BANK1: variants seen among roughly 807,000 people sequenced by gnomAD.
BANK1 encodes the protein B-cell scaffold protein with ankyrin repeats.
BANK1 carries 95 observed loss-of-function variants against 94.5 expected under a neutral mutation model. The observed-to-expected ratio is 1.00, with a 90% CI of 0.85 to 1.19. The LOEUF (loss-of-function observed/expected upper bound fraction) is 1.19, where lower values mean the gene tolerates loss of function less well. Among genes scored for constraint, BANK1 ranks in the 50% most tolerant of loss-of-function variants. The pLI, the probability that BANK1 is intolerant of heterozygous loss-of-function variation, is 0.00. For synonymous variants in BANK1, 334 were observed against 308.4 expected (o/e 1.08, Z -0.87); for missense variants, 987 against 932.2 (o/e 1.06, Z -0.77).
chr4:101,839,104 C>A (rs1726936483), intron 2 of BANK1, among the ~76,000 whole-genome samples: 1 of 152,132 alleles, frequency 6.6e-6, no homozygotes, highest in Non-Finnish European at 1.5e-5. Flanking sequence ...TTTATGATAT[C>A]ACCAAATGAG....
chr4:101,863,028 C>G (rs1282744042), intron 4 of BANK1, among the ~76,000 whole-genome samples: 1 of 151,856 alleles, frequency 6.6e-6, no homozygotes, highest in African/African-American at 2.4e-5. Context: ...TTAATAAACT[C>G]TATTTTTTTC....
intron 7 of BANK1, among the ~76,000 whole-genome samples, chr4:101,948,678 C>A (rs1304795537): frequency 6.6e-6 from 1 of 151,966 alleles, no homozygotes; most frequent in East Asian, 1.9e-4. Flanking sequence ...AGTCTTAGAT[C>A]CAAATATTTT....
rs146515733 is a variant in BANK1 at position 101,843,901 on chromosome 4, G to A, written c.470-11134G>A. Among the ~76,000 whole-genome samples the A allele has an allele frequency of 4.8e-3, 729 of 152,238 alleles. 6 individuals carry two copies. Among genetic ancestry groups the A allele is most frequent in the African/African-American group, 0.017 (700 of 41,550 alleles). ...CACACCGTTGCACTCCAGCCTGGGTGACAGGGCAAGACTCGGTCTCAAAAA... is the reference window on the plus strand; with the variant it reads ...CACACCGTTGCACTCCAGCCTGGGTAACAGGGCAAGACTCGGTCTCAAAAA... On this transcript the variant is annotated intron_variant, in intron 2 of 16. Coordinates refer to ENST00000322953, the MANE Select transcript of BANK1 (RefSeq NM_017935.5).
At chr4:101,854,899 A>G (rs963955180) in intron 2 of BANK1, 136 bp from the exon 3 acceptor site, 5 of 597,786 alleles carry the variant, frequency 8.4e-6, no homozygotes, top group East Asian at 5.4e-5. Flanking sequence ...CATTGGTTCA[A>G]TTATTTCAGC....
intron 15 of BANK1, 21 bp downstream of exon 15, chr4:102,072,421 T>C: frequency 3.3e-6 from 5 of 1,529,504 alleles, no homozygotes; most frequent in Non-Finnish European, 4.5e-6. Context: ...TTTATTTTGA[T>C]TTCTATAAAA....
intron 6 of BANK1, among the ~76,000 whole-genome samples, chr4:101,910,106 A>G (rs1722611838): frequency 6.6e-6 from 1 of 152,104 alleles, no homozygotes; most frequent in African/African-American, 2.4e-5. Context: ...ATGGTTCTCA[A>G]ACTTTAGCAG....
intron 7 of BANK1, among the ~76,000 whole-genome samples, chr4:101,946,479 C>A (rs1291799784): frequency 6.6e-6 from 1 of 152,000 alleles, no homozygotes; most frequent in Non-Finnish European, 1.5e-5. Flanking sequence ...AGGTATCCTG[C>A]ATGAAGTAGT....
chr4:101,869,287 T>A (rs1357647416), intron 4 of BANK1, among the ~76,000 whole-genome samples: 2 of 152,090 alleles, frequency 1.3e-5, no homozygotes, highest in East Asian at 3.9e-4. Flanking sequence ...TTGATTTCAT[T>A]TGACTCCAAT....
chr4:102,025,060 T>G (rs1309922721), intron 8 of BANK1, 141 bp from the exon 9 acceptor site: 6 of 883,646 alleles, frequency 6.8e-6, no homozygotes, highest in Non-Finnish European at 8.7e-6. Context: ...TCACTAAAAG[T>G]TACACATTTG....
chr4:101,957,142 C>T (rs753693422), intron 7 of BANK1, among the ~76,000 whole-genome samples: 12 of 152,104 alleles, frequency 7.9e-5, no homozygotes, highest in Admixed American at 4.6e-4. Context: ...CTTTAGTTAA[C>T]GCAAGAAATG....
chr4:102,000,322 CAAAAAA>C (rs3974642), intron 7 of BANK1, among the ~76,000 whole-genome samples: 1 of 66,102 alleles, frequency 1.5e-5, no homozygotes, highest in Non-Finnish European at 2.8e-5. Flanking sequence ...AACTCTGTCT[CAAAAAA>C]AAAAAAAAAA....
In BANK1 at chr4:102,060,361, GA is replaced by G. The variant is rs1728377309; in HGVS notation, c.2125del (p.Ser709ValfsTer5). ...GAGAAATTTAAACACTGGCAGATGG[GA>G]AAAAGTGGCCTGGAAATGATTCAGC... ...ALEKFKHWQM[G>X]KSGLEMIQQE... On this transcript the variant is annotated frameshift_variant, in exon 12 of 17. Transcript: ENST00000322953. LOFTEE classifies it high-confidence loss of function. 2 of 1,608,792 alleles carry G rather than the reference GA, an allele frequency of 1.2e-6. No individual in the cohort carries two copies. Among genetic ancestry groups the G allele is most frequent in the Non-Finnish European group, 8.5e-7 (1 of 1,178,124 alleles).
intron 7 of BANK1, among the ~76,000 whole-genome samples, chr4:102,020,207 G>T (rs1229971200): frequency 6.6e-6 from 1 of 152,026 alleles, no homozygotes; most frequent in Non-Finnish European, 1.5e-5. Context: ...GGTTTTGGGA[G>T]TACTATGGGT....
At chr4:101,993,078 A>G (rs1039956059) in intron 7 of BANK1, among the ~76,000 whole-genome samples, 1 of 152,108 alleles carries the variant, frequency 6.6e-6, no homozygotes, top group African/African-American at 2.4e-5. Context: ...GTTGGCTCTC[A>G]TGGAGACCAT....
chr4:101,918,234 A>G (rs1208838234), intron 7 of BANK1, 45 bp downstream of exon 7: 2 of 1,327,966 alleles, frequency 1.5e-6, no homozygotes, highest in African/African-American at 1.5e-5. Flanking sequence ...TCTGTTTGAT[A>G]TTGTAGAAGA....
intron 4 of BANK1, among the ~76,000 whole-genome samples, chr4:101,865,353 C>G (rs1193865001): frequency 3.9e-5 from 6 of 152,104 alleles, no homozygotes; most frequent in Non-Finnish European, 8.8e-5. Context: ...GAGTGAGAAA[C>G]TCCTGGGGGT....
chr4:102,039,941 C>G (rs1191767068), intron 10 of BANK1, among the ~76,000 whole-genome samples: 2 of 152,090 alleles, frequency 1.3e-5, no homozygotes, highest in African/African-American at 2.4e-5. Context: ...CTGTTCACAT[C>G]TAATGGACAA....
At chr4:101,837,361 A>G (rs1253756125) in intron 2 of BANK1, among the ~76,000 whole-genome samples, 1 of 152,202 alleles carries the variant, frequency 6.6e-6, no homozygotes, top group Non-Finnish European at 1.5e-5. Context: ...AGAAACTAAT[A>G]GTTCATTATA....
At chr4:102,034,391 C>T (rs1400186255) in intron 10 of BANK1, among the ~76,000 whole-genome samples, 2 of 152,150 alleles carry the variant, frequency 1.3e-5, no homozygotes, top group East Asian at 3.8e-4. Context: ...ACTGAATTTC[C>T]TCACTGTAAG....
Sources: allele counts gnomAD v4.1 joint callset (sites outside exome capture counted in the v4.1 genomes callset), GRCh38; gene constraint gnomAD v4.1.1; transcripts MANE v1.5; gene names NCBI Gene and HGNC (gene_info 2026-07-23, HGNC 2026-07-21).